Variants in WNK1 observed in about 807,000 individuals in gnomAD.
WNK1 encodes the protein serine/threonine-protein kinase WNK1.
WNK1 carries 38 observed loss-of-function variants against 222.8 expected under a neutral mutation model. The ratio of observed to expected loss-of-function variants is 0.17; its 90% CI spans 0.13 to 0.22. The LOEUF (loss-of-function observed/expected upper bound fraction) is 0.22, where lower values mean the gene tolerates loss of function less well. Among genes scored for constraint, WNK1 ranks in the 10% least tolerant of loss-of-function variants. The pLI, the probability that WNK1 is intolerant of heterozygous loss-of-function variation, is 1.00. For missense variants in WNK1, 2,348 were observed against 2,918.4 expected, an observed-to-expected ratio of 0.80 and a Z score of 4.50; for synonymous variants, 1,090 against 1,092.9, an observed-to-expected ratio of 1.00 and a Z score of 0.05.
chr12:868,151 G>GT (rs1298509347), intron 8 of WNK1: 2 of 1,614,026 alleles, frequency 1.2e-6, no homozygotes, highest in Non-Finnish European at 1.7e-6. Flanking sequence ...AGCCAGTAGA[G>GT]TAACTGGAGA....
intron 4 of WNK1, chr12:851,442 G>A: frequency 8.8e-7 from 1 of 1,132,302 alleles, no homozygotes; most frequent in Non-Finnish European, 1.1e-6. Context: ...TGGCAGAGAA[G>A]CAGAAGGAAT....
intron 1 of WNK1, among the ~76,000 whole-genome samples, chr12:783,125 C>T (rs11064528): frequency 0.013 from 1,954 of 150,722 alleles, 39 homozygotes; most frequent in African/African-American, 0.044. Flanking sequence ...ATGTTACCCA[C>T]ACTGGTCTCG....
chr12:885,334 C>T lies in WNK1; in HGVS notation c.4530C>T (p.Ser1510=). 3.1e-6 allele frequency: 5 copies of T among 1,614,138 alleles called. No homozygotes were observed. The highest frequency in any genetic ancestry group is 1.1e-5 in the South Asian group (1 of 91,086). The change falls in exon 19 of 28, where the codon AGC becomes AGT. Residue 1510 remains serine (S), a synonymous_variant. Transcript: ENST00000315939. Reference sequence around the variant, plus strand: ...CTTCACAGCTGTGCATTCAGCTTAGCAGCAGTACTTCTACTCCTACTTTAG... The same window carrying T: ...CTTCACAGCTGTGCATTCAGCTTAGTAGCAGTACTTCTACTCCTACTTTAG... ...STASQLCIQL[S]SSTSTPTLAE...
chr12:792,365 C>T (rs10849557), intron 1 of WNK1, among the ~76,000 whole-genome samples: 70,578 of 141,494 alleles, frequency 0.5, 18,060 homozygotes, highest in East Asian at 0.81. Context: ...CAGGCTGGAG[C>T]GCAGTGGTGC....
At chr12:890,153 ATGTTGGCC>A (rs966462652) in intron 21 of WNK1, among the ~76,000 whole-genome samples, 3 of 151,672 alleles carry the variant, frequency 2.0e-5, no homozygotes, top group African/African-American at 7.3e-5. Context: ...GGGTTTCGCC[ATGTTGGCC>A]AGGCCGGTCT....
intron 2 of WNK1, among the ~76,000 whole-genome samples, chr12:814,495 A>C (rs1182995855): frequency 6.6e-6 from 1 of 152,228 alleles, no homozygotes; most frequent in East Asian, 1.9e-4. Context: ...TGTGACAGTT[A>C]TCACTTAAAA....
At chr12:767,186 C>T (rs1941827005) in intron 1 of WNK1, among the ~76,000 whole-genome samples, 1 of 145,826 alleles carries the variant, frequency 6.9e-6, no homozygotes, top group Non-Finnish European at 1.5e-5. Context: ...CAAAATATGG[C>T]AGATTTCTTA....
intron 8 of WNK1, among the ~76,000 whole-genome samples, chr12:863,075 G>C (rs1156366812): frequency 6.6e-6 from 1 of 151,864 alleles, no homozygotes; most frequent in African/African-American, 2.4e-5. Context: ...TACGTCATCT[G>C]CCTCTGAAAG....
Position 753,906 on chromosome 12 carries a change from G to T in WNK1, c.341G>T (p.Ser114Ile), listed in dbSNP as rs371331153. ...QPSIPAAVPQ[S>I]APPEPHREET... is the part of the protein sequence containing the mutation. ...AGCATCCCCGCGGCTGTCCCGCAGA[G>T]TGCTCCACCGGAGCCCCACCGGGAA... Residue 114 changes from serine (S) to isoleucine (I), a missense_variant, in exon 1 of 28, where the codon AGT becomes ATT. Ser to Ile is a moderately radical substitution (Grantham distance 142). This residue lies in a region of WNK1 where 185 missense variants were observed against 159.2 expected (regional missense o/e 1.16). Transcript: ENST00000315939. This position sits in a 1 kb window ranked among gnomAD's most constrained non-coding sequence, Gnocchi z 5.2. 22 of 1,610,568 alleles carry T rather than the reference G, an allele frequency of 1.4e-5. No homozygotes were observed. Among genetic ancestry groups the T allele is most frequent in the Non-Finnish European group, 1.7e-5 (20 of 1,179,054 alleles).
intron 4 of WNK1, among the ~76,000 whole-genome samples, chr12:838,523 T>G (rs1439708125): frequency 3.9e-5 from 6 of 152,232 alleles, no homozygotes; most frequent in Non-Finnish European, 8.8e-5. Flanking sequence ...CAAGTGATTC[T>G]CCCGCCTCAG....
intron 4 of WNK1, among the ~76,000 whole-genome samples, chr12:845,861 C>A (rs1201753285): frequency 6.6e-6 from 1 of 152,138 alleles, no homozygotes; most frequent in Non-Finnish European, 1.5e-5. Flanking sequence ...AATGGGAGAA[C>A]AAGCTAACAT....
chr12:827,305 A>G lies in WNK1; in HGVS notation c.1153+43A>G. On this transcript the variant is annotated intron_variant, in intron 3 of 27. Coordinates refer to ENST00000315939, the MANE Select transcript of WNK1 (RefSeq NM_018979.4). The surrounding 1 kb of genome is among the most constrained non-coding windows in gnomAD (Gnocchi z 4.6). Reference sequence around the variant, plus strand: ...CTTGGAGCCTGACTGGCTTTCTCACATTCCTTTTATTTAGAATCCTGGCTC... The same window carrying G: ...CTTGGAGCCTGACTGGCTTTCTCACGTTCCTTTTATTTAGAATCCTGGCTC... 6.6e-7 allele frequency: 1 copy of G among 1,511,984 alleles called. No homozygotes were observed. The highest frequency in any genetic ancestry group is 1.7e-5 in the Admixed American group (1 of 59,884). The allele number at this position is 1,511,984 out of a possible 1,614,324, so 93.7% of individuals were successfully genotyped here.
At chr12:847,485 G>C (rs72648642) in intron 4 of WNK1, among the ~76,000 whole-genome samples, 40 of 152,314 alleles carry the variant, frequency 2.6e-4, no homozygotes, top group Admixed American at 9.8e-4. Context: ...AAAGTATTCA[G>C]TGAACAAGTA....
In WNK1 at chr12:896,283, G is replaced by A; in HGVS notation, c.5796G>A (p.Glu1932=). The A allele has an allele frequency of 4.3e-6, 7 of 1,614,176 alleles. No homozygotes were observed. The highest frequency in any genetic ancestry group is 2.7e-5 in the African/African-American group (2 of 75,036). Residue 1932 remains glutamate (E), a synonymous_variant, in exon 24 of 28, where the codon GAG becomes GAA. Coordinates refer to ENST00000315939, the MANE Select transcript of WNK1 (RefSeq NM_018979.4). ...PESAHKTTAS[E]AKSDTGQPTK... is the part of the protein sequence containing the mutation. ...GTGCCCACAAAACTACTGCCTCAGA[G>A]GCAAAGTCAGACACTGGGCAGCCTA...
chr12:868,251 A>C (rs1180904399), intron 8 of WNK1: 4 of 1,601,964 alleles, frequency 2.5e-6, no homozygotes, highest in Non-Finnish European at 2.6e-6. Context: ...GAAGAAGCTC[A>C]CTATTTTATT....
intron 1 of WNK1, among the ~76,000 whole-genome samples, chr12:774,555 G>C (rs1332917231): frequency 6.6e-6 from 1 of 152,166 alleles, no homozygotes; most frequent in Non-Finnish European, 1.5e-5. Context: ...CAGTACCTCA[G>C]ATTTCACTGT....
intron 21 of WNK1, among the ~76,000 whole-genome samples, chr12:889,430 G>A (rs944779320): frequency 1.3e-5 from 2 of 152,132 alleles, no homozygotes; most frequent in Non-Finnish European, 2.9e-5. Flanking sequence ...TTTGAAAGGT[G>A]CTTTTTTAGT....
chr12:795,898 T>G (rs922276932), intron 1 of WNK1, among the ~76,000 whole-genome samples: 26 of 152,130 alleles, frequency 1.7e-4, no homozygotes, highest in African/African-American at 6.3e-4. Flanking sequence ...TTCTCCTTCT[T>G]CTTTTTGAGA....
At chr12:788,883 T>C (rs1444327598) in intron 1 of WNK1, among the ~76,000 whole-genome samples, 1 of 148,854 alleles carries the variant, frequency 6.7e-6, no homozygotes, top group Non-Finnish European at 1.5e-5. Context: ...CAAGACTCTG[T>C]CTCGGGGGGG....
Sources: allele counts gnomAD v4.1 joint callset (sites outside exome capture counted in the v4.1 genomes callset), GRCh38; gene constraint gnomAD v4.1.1; regional missense constraint gnomAD v4.1.1; non-coding constraint Gnocchi (gnomAD v3.1); transcripts MANE v1.5; gene names NCBI Gene and HGNC (gene_info 2026-07-23, HGNC 2026-07-21).